The following TWSG1 variants were observed in gnomAD, a reference collection of about 807,000 sequenced individuals.
TWSG1 encodes the protein twisted gastrulation protein homolog 1.
A neutral mutation model predicts 23.0 loss-of-function variants in TWSG1; 15 were observed. The observed-to-expected ratio is 0.65, with a 90% CI of 0.44 to 1.00. The LOEUF (loss-of-function observed/expected upper bound fraction) is 1.00. Among genes scored for constraint, TWSG1 ranks in the 50% least tolerant of loss-of-function variants. TWSG1 has a pLI of 0.00. For missense variants in TWSG1, 242 were observed against 278.7 expected (o/e 0.87, Z 0.94); for synonymous variants, 86 against 92.8 (o/e 0.93, Z 0.42).
chr18:9,344,517 G>GTGTGTGTGTGTGTGTGTGTGTGTA (rs1555650744), intron 2 of TWSG1, among the ~76,000 whole-genome samples: 9 of 105,758 alleles, frequency 8.5e-5, no homozygotes, highest in Non-Finnish European at 1.1e-4. Context: ...GTGTGTGTGT[G>GTGTGTGTGTGTGTGTGTGTGTGTA]TGTGTATGTA....
chr18:9,363,156 C>G (rs2040560429), intron 3 of TWSG1, among the ~76,000 whole-genome samples: 1 of 152,178 alleles, frequency 6.6e-6, no homozygotes, highest in East Asian at 1.9e-4. Flanking sequence ...TCAGCACATA[C>G]TTTCTCTAGG....
chr18:9,335,951 A>C (rs1426398786), intron 1 of TWSG1, among the ~76,000 whole-genome samples: 1 of 152,160 alleles, frequency 6.6e-6, no homozygotes, highest in African/African-American at 2.4e-5. Context: ...AACCTGAAGA[A>C]ATGATATCTT....
At chr18:9,360,374 T>G (rs1371212713) in intron 3 of TWSG1, among the ~76,000 whole-genome samples, 1 of 152,058 alleles carries the variant, frequency 6.6e-6, no homozygotes, top group African/African-American at 2.4e-5. Context: ...TTTTTTTTTG[T>G]TTTTAATAAG....
intron 2 of TWSG1, 121 bp downstream of exon 2, chr18:9,337,473 C>A: frequency 2.0e-6 from 2 of 1,024,786 alleles, no homozygotes; most frequent in Non-Finnish European, 2.8e-6. Context: ...GGGTCAGGGC[C>A]TGAGGTACTG....
chr18:9,359,878 T>C, intron 2 of TWSG1, 94 bp from the exon 3 acceptor site: 1 of 863,972 alleles, frequency 1.2e-6, no homozygotes, highest in South Asian at 1.6e-5. Context: ...TACATTACTG[T>C]AAATGCAAAT....
intron 2 of TWSG1, among the ~76,000 whole-genome samples, chr18:9,341,831 G>T (rs1260613112): frequency 6.6e-6 from 1 of 150,512 alleles, no homozygotes. Context: ...TTAGCAATGA[G>T]ACAGACTATA....
chr18:9,392,803 A>T (rs1334342718), intron 3 of TWSG1, among the ~76,000 whole-genome samples: 1 of 152,198 alleles, frequency 6.6e-6, no homozygotes, highest in Non-Finnish European at 1.5e-5. Context: ...AAAGTGAGAG[A>T]CGTGAACACT....
At chr18:9,396,186 T>C (rs1359615019) in intron 3 of TWSG1, 94 bp from the exon 4 acceptor site, 4 of 887,868 alleles carry the variant, frequency 4.5e-6, no homozygotes, top group Admixed American at 5.9e-5. Context: ...AAAATATCCA[T>C]GTGTAATCCT....
chr18:9,345,706 T>G (rs2040473941), intron 2 of TWSG1, among the ~76,000 whole-genome samples: 1 of 152,230 alleles, frequency 6.6e-6, no homozygotes. Flanking sequence ...AACTTTGTAC[T>G]TTTTCAAGAT....
intron 3 of TWSG1, among the ~76,000 whole-genome samples, chr18:9,391,146 C>T (rs1382045883): frequency 1.3e-5 from 2 of 152,170 alleles, no homozygotes; most frequent in African/African-American, 4.8e-5. Context: ...GAGTAGATTC[C>T]ATCTCAAGAA....
chr18:9,342,814 C>A (rs2040451931), intron 2 of TWSG1, among the ~76,000 whole-genome samples: 1 of 152,174 alleles, frequency 6.6e-6, no homozygotes, highest in African/African-American at 2.4e-5. Flanking sequence ...CCTCAAGTAA[C>A]TTCCTAAGAA....
chr18:9,382,431 G>A (rs1356498284), intron 3 of TWSG1, among the ~76,000 whole-genome samples: 1 of 152,108 alleles, frequency 6.6e-6, no homozygotes, highest in African/African-American at 2.4e-5. Flanking sequence ...GCTGAGACAG[G>A]AGAATCACTT....
At chr18:9,355,879 T>C (rs2040524794) in intron 2 of TWSG1, among the ~76,000 whole-genome samples, 1 of 152,208 alleles carries the variant, frequency 6.6e-6, no homozygotes, top group Non-Finnish European at 1.5e-5. Context: ...TTATGAAGAA[T>C]AGAGAGTATT....
chr18:9,396,659 G>C, intron 4 of TWSG1, 113 bp downstream of exon 4: 1 of 1,306,072 alleles, frequency 7.7e-7, no homozygotes, highest in South Asian at 1.5e-5. Flanking sequence ...TTTTGAATTT[G>C]TATCATCTCA....
At chr18:9,387,504 T>A (rs781113071) in intron 3 of TWSG1, among the ~76,000 whole-genome samples, 1 of 152,032 alleles carries the variant, frequency 6.6e-6, no homozygotes, top group Non-Finnish European at 1.5e-5. Flanking sequence ...CGATGGCTCA[T>A]GCGTAATCCC....
At chr18:9,356,232 C>T (rs1170667992) in intron 2 of TWSG1, among the ~76,000 whole-genome samples, 1 of 152,176 alleles carries the variant, frequency 6.6e-6, no homozygotes, top group Admixed American at 6.5e-5. Flanking sequence ...TACTCTCTTA[C>T]ACCAGTATGT....
At chr18:9,378,091 T>G (rs185029472) in intron 3 of TWSG1, among the ~76,000 whole-genome samples, 193 of 152,252 alleles carry the variant, frequency 1.3e-3, no homozygotes, top group African/African-American at 4.4e-3. Context: ...AATTAAAAAT[T>G]TCTACTCTGC....
chr18:9,338,947 C>T (rs2040434011), intron 2 of TWSG1, among the ~76,000 whole-genome samples: 1 of 152,106 alleles, frequency 6.6e-6, no homozygotes, highest in Non-Finnish European at 1.5e-5. Context: ...CCTCGTAATC[C>T]CAGCACTTTG....
chr18:9,348,541 A>G (rs2040487678), intron 2 of TWSG1, among the ~76,000 whole-genome samples: 1 of 152,218 alleles, frequency 6.6e-6, no homozygotes, highest in African/African-American at 2.4e-5. Context: ...GGTGAACCTG[A>G]AAAGGTTAAA....
Sources: gnomAD v4.1 joint callset for allele counts (sites outside exome capture counted in the v4.1 genomes callset) on GRCh38, gnomAD v4.1.1 for gene constraint, MANE v1.5 for transcripts, NCBI Gene and HGNC (gene_info 2026-07-23, HGNC 2026-07-21) for gene names.